The following PCDHA4 variants were observed in gnomAD, a reference collection of about 807,000 sequenced individuals.
PCDHA4 encodes protocadherin alpha-4.
PCDHA4 carries 49 observed loss-of-function variants against 61.4 expected under a neutral mutation model. The ratio of observed to expected loss-of-function variants is 0.80; its 90% confidence interval spans 0.63 to 1.01. The LOEUF is 1.01. PCDHA4 is among the 50% of genes least tolerant of loss of function. PCDHA4 has a pLI of 0.00. For synonymous variants in PCDHA4, 590 were observed against 550.3 expected, an observed-to-expected ratio of 1.07 and a Z score of -1.01; for missense variants, 1,254 against 1,235.8, an observed-to-expected ratio of 1.01 and a Z score of -0.22.
At chr5:140,822,210 A>G in intron 1 of PCDHA4, 1 of 1,614,220 alleles carries the variant, frequency 6.2e-7, no homozygotes, top group East Asian at 2.2e-5. Flanking sequence ...TAGAGTCAAG[A>G]ATGCCAGATT....
chr5:140,967,935 A>C (rs186453952), intron 1 of PCDHA4: 1 of 1,614,214 alleles, frequency 6.2e-7, no homozygotes, highest in Admixed American at 1.7e-5. Context: ...CTCAGTGTCA[A>C]TGACCAAGAC....
chr5:140,899,267 G>C lies in PCDHA4; in HGVS notation c.2386-79682G>C, dbSNP rs1397421903. Among the ~76,000 whole-genome samples, 367 of 152,064 alleles carry C rather than the reference G, an allele frequency of 2.4e-3. 2 individuals carry two copies. The highest frequency in any genetic ancestry group is 8.5e-3 in the African/African-American group (354 of 41,454). On this transcript the variant is annotated intron_variant, in intron 1 of 3. Coordinates refer to ENST00000530339, the MANE Select transcript of PCDHA4 (RefSeq NM_018907.4). ...TGAGAGAGGGCATCCCTGTCTTGTGGCAGTTTTCAAAGGGAATACTTCCAG... is the reference window on the plus strand; with the variant it reads ...TGAGAGAGGGCATCCCTGTCTTGTGCCAGTTTTCAAAGGGAATACTTCCAG...
chr5:140,968,201 C>T, intron 1 of PCDHA4: 1 of 1,614,032 alleles, frequency 6.2e-7, no homozygotes, highest in Non-Finnish European at 8.5e-7. Context: ...CATCTACATA[C>T]AGGAGAACAA....
chr5:141,009,539 C>T, intron 3 of PCDHA4, 88 bp from the exon 4 acceptor site: 1 of 1,522,752 alleles, frequency 6.6e-7, no homozygotes, highest in Non-Finnish European at 8.8e-7. Flanking sequence ...TTCAGCCTGC[C>T]TATGCAGTAC....
chr5:140,929,246 C>T, intron 1 of PCDHA4: 1 of 1,613,738 alleles, frequency 6.2e-7, no homozygotes, highest in Non-Finnish European at 8.5e-7. Context: ...AATCTTGCCA[C>T]TGGGGTAGGA....
Position 140,821,939 on chromosome 5 carries a change from T to A in PCDHA4, c.2385+12367T>A, listed in dbSNP as rs1489594873. 36 of 1,614,162 alleles carry A rather than the reference T, an allele frequency of 2.2e-5. No homozygotes were observed. Among genetic ancestry groups the A allele is most frequent in the Non-Finnish European group, 2.7e-5 (32 of 1,180,042 alleles). ...ATCGCGCAGGACCTAGGGCTGGAGCTGGCGGAGCTGGTGCCGCGCCTGTTC... is the reference window on the plus strand; with the variant it reads ...ATCGCGCAGGACCTAGGGCTGGAGCAGGCGGAGCTGGTGCCGCGCCTGTTC... On this transcript the variant is annotated intron_variant, in intron 1 of 3. Coordinates refer to ENST00000530339, the MANE Select transcript of PCDHA4 (RefSeq NM_018907.4).
intron 1 of PCDHA4, among the ~76,000 whole-genome samples, chr5:140,941,248 T>TTTCTTTC (rs2092963388): frequency 1.4e-5 from 2 of 141,492 alleles, no homozygotes; most frequent in African/African-American, 5.3e-5. Context: ...TCTTTCTTTC[T>TTTCTTTC]TTCTTTCTCT....
At chr5:140,964,266 A>G (rs1408040035) in intron 1 of PCDHA4, among the ~76,000 whole-genome samples, 1 of 152,230 alleles carries the variant, frequency 6.6e-6, no homozygotes, top group Admixed American at 6.5e-5. Context: ...CTCCTTAATA[A>G]TTAAGGCAGT....
At chr5:140,967,219 C>A (rs782211026) in intron 1 of PCDHA4, 2 of 1,613,772 alleles carry the variant, frequency 1.2e-6, no homozygotes, top group East Asian at 2.2e-5. Context: ...TCCCGCGGCC[C>A]AACTACCAGC....
rs149265547 is a variant in PCDHA4 at position 140,927,771 on chromosome 5, G to T, written c.2386-51178G>T. On this transcript the variant is annotated intron_variant, in intron 1 of 3. Coordinates refer to ENST00000530339, the MANE Select transcript of PCDHA4 (RefSeq NM_018907.4). Reference sequence around the variant, plus strand: ...ACGTGCACCCTAAAAGTGGGGAGGTGCAAGTAGCTGCTTCACTAGGTCCGC... The same window carrying T: ...ACGTGCACCCTAAAAGTGGGGAGGTTCAAGTAGCTGCTTCACTAGGTCCGC... The T allele has an allele frequency of 4.2e-4, 677 of 1,614,210 alleles. 4 individuals carry two copies. In the African/African-American group the frequency reaches 7.5e-3, roughly 18 times the overall value.
At chr5:140,911,892 G>A (rs2075679347) in intron 1 of PCDHA4, among the ~76,000 whole-genome samples, 1 of 152,176 alleles carries the variant, frequency 6.6e-6, no homozygotes. Flanking sequence ...ACCAAAATCT[G>A]TATTAGTCAG....
chr5:140,874,124 TTTAAG>T (rs373641315), intron 1 of PCDHA4, among the ~76,000 whole-genome samples: 322 of 152,384 alleles, frequency 2.1e-3, no homozygotes, highest in African/African-American at 7.5e-3. Context: ...TTATAGTTTA[TTTAAG>T]TTATCTTATA....
intron 1 of PCDHA4, among the ~76,000 whole-genome samples, chr5:140,898,262 C>G (rs2066619852): frequency 6.6e-6 from 1 of 152,130 alleles, no homozygotes; most frequent in Admixed American, 6.5e-5. Context: ...GAAGTCCTTG[C>G]CCATGCCTAA....
intron 1 of PCDHA4, among the ~76,000 whole-genome samples, chr5:140,914,027 T>C (rs188298966): frequency 6.6e-6 from 1 of 152,186 alleles, no homozygotes; most frequent in Non-Finnish European, 1.5e-5. Context: ...ATCCACGTGC[T>C]GAGAAGAATG....
chr5:140,997,606 A>G (rs1554255929), intron 3 of PCDHA4, among the ~76,000 whole-genome samples: 1 of 152,090 alleles, frequency 6.6e-6, no homozygotes, highest in Non-Finnish European at 1.5e-5. Context: ...TATGGGGCGC[A>G]TGACTATATA....
At chr5:140,990,537 A>G (rs2097398813) in intron 3 of PCDHA4, among the ~76,000 whole-genome samples, 1 of 152,192 alleles carries the variant, frequency 6.6e-6, no homozygotes, top group Non-Finnish European at 1.5e-5. Flanking sequence ...TGTGCATCAT[A>G]GATACTGTAT....
intron 1 of PCDHA4, among the ~76,000 whole-genome samples, chr5:140,874,903 C>T (rs543752012): frequency 1.3e-5 from 2 of 152,172 alleles, no homozygotes; most frequent in South Asian, 4.1e-4. Context: ...TAAAATCTTA[C>T]GATGGAGTGC....
intron 1 of PCDHA4, among the ~76,000 whole-genome samples, chr5:140,892,875 G>A (rs1041608064): frequency 1.3e-5 from 2 of 152,022 alleles, no homozygotes; most frequent in Non-Finnish European, 2.9e-5. Flanking sequence ...CTATAATTTC[G>A]TATCCATTAA....
intron 1 of PCDHA4, among the ~76,000 whole-genome samples, chr5:140,901,055 A>G (rs1454535703): frequency 6.6e-6 from 1 of 152,088 alleles, no homozygotes; most frequent in African/African-American, 2.4e-5. Context: ...AAATTAGATT[A>G]TTAGATTTTT....
Sources: allele counts gnomAD v4.1 joint callset (sites outside exome capture counted in the v4.1 genomes callset), GRCh38; gene constraint gnomAD v4.1.1; transcripts MANE v1.5; gene names NCBI Gene and HGNC (gene_info 2026-07-23, HGNC 2026-07-21).